CPLX1: variants seen among roughly 807,000 people sequenced by gnomAD.
CPLX1 encodes the protein complexin-1.
In CPLX1, 6 loss-of-function variants were observed where a neutral mutation model predicts 15.6. The observed-to-expected ratio is 0.39, with a 90% CI of 0.21 to 0.76. CPLX1 has a LOEUF of 0.76. Among genes scored for constraint, CPLX1 ranks in the 30% least tolerant of loss-of-function variants. The pLI is 0.43. For synonymous variants in CPLX1, 91 were observed against 75.2 expected (o/e 1.21, Z -1.08); for missense variants, 242 against 188.6 (o/e 1.28, Z -1.66).
intron 2 of CPLX1, 38 bp from the exon 3 acceptor site, chr4:792,646 G>C (rs1746219086): frequency 1.3e-6 from 2 of 1,583,814 alleles, no homozygotes; most frequent in African/African-American, 2.7e-5. Flanking sequence ...GCCCCATTCA[G>C]ATGTCCAGGG....
intron 2 of CPLX1, among the ~76,000 whole-genome samples, chr4:823,749 G>A (rs1746917232): frequency 6.6e-6 from 1 of 152,248 alleles, no homozygotes; most frequent in African/African-American, 2.4e-5. Flanking sequence ...CCTGGTCTAG[G>A]AACCCAGCCA....
intron 2 of CPLX1, among the ~76,000 whole-genome samples, chr4:795,974 G>C (rs570457161): frequency 6.6e-6 from 1 of 152,184 alleles, no homozygotes; most frequent in African/African-American, 2.4e-5. Flanking sequence ...GGCTCTTCCC[G>C]GGAACCCACC....
At position 791,821 on chromosome 4, in the gene CPLX1, C is replaced by A. The variant is rs538483970; in HGVS notation, c.207+612G>T. Among the ~76,000 whole-genome samples the A allele has an allele frequency of 1.8e-4, 28 of 152,304 alleles. No homozygotes were observed. In the East Asian group the frequency reaches 4.1e-3, roughly 22 times the overall value. On this transcript the variant is annotated intron_variant, in intron 3 of 3. Coordinates refer to ENST00000304062, the MANE Select transcript of CPLX1 (RefSeq NM_006651.4). Reference sequence around the variant, plus strand: ...GAACATCTCCCACCATGCCCGCTCACCCCTGGCTGGAGACTCCTCCAGGCT... The same window carrying A: ...GAACATCTCCCACCATGCCCGCTCAACCCTGGCTGGAGACTCCTCCAGGCT...
intron 2 of CPLX1, among the ~76,000 whole-genome samples, chr4:799,218 G>A (rs1577474851): frequency 6.6e-6 from 1 of 152,386 alleles, no homozygotes; most frequent in Middle Eastern, 3.4e-3. Context: ...CTGGAGGAAG[G>A]AACGCTACAG....
intron 2 of CPLX1, among the ~76,000 whole-genome samples, chr4:807,591 C>T (rs1310843636): frequency 3.3e-5 from 5 of 152,024 alleles, no homozygotes; most frequent in Admixed American, 2.6e-4. Flanking sequence ...TCTCCTGCCT[C>T]AGCCTCCCAA....
At chr4:797,887 G>A (rs908423588) in intron 2 of CPLX1, among the ~76,000 whole-genome samples, 18 of 152,050 alleles carry the variant, frequency 1.2e-4, no homozygotes, top group African/African-American at 2.9e-4. Flanking sequence ...CCAAGATCGC[G>A]CCACTGGACT....
rs190533187 is a variant in CPLX1 at position 789,717 on chromosome 4, C to T, written c.207+2716G>A. On this transcript the variant is annotated intron_variant, in intron 3 of 3. Coordinates refer to ENST00000304062, the MANE Select transcript of CPLX1 (RefSeq NM_006651.4). ...ATGGCTGCCTGACAGGAGGTGCAGG[C>T]GCGCTGCTCCTCTGGGAACTGCCTA... 4.7e-4 allele frequency among the ~76,000 whole-genome samples: 72 copies of T among 152,290 alleles called. 1 individual carries two copies. The East Asian group carries it at 0.012, about 25-fold the overall frequency.
chr4:792,418 C>T lies in CPLX1; in HGVS notation c.207+15G>A, dbSNP rs1165348918. The T allele has an allele frequency of 9.9e-6, 15 of 1,519,166 alleles. No homozygotes were observed. Among genetic ancestry groups the T allele is most frequent in the Middle Eastern group, 2.0e-4 (1 of 4,908 alleles). 94.1% of individuals were successfully genotyped at this position (1,519,166 alleles called of 1,614,324 possible). On this transcript the variant is annotated intron_variant, in intron 3 of 3. Transcript: ENST00000304062. ...AGGGCCGCCTTCCCGCAGGCGGGGC[C>T]GGCCCGGCGCGCACCTTGTCTCGGA...
chr4:804,415 GT>G (rs1396464450), intron 2 of CPLX1, among the ~76,000 whole-genome samples: 1 of 152,150 alleles, frequency 6.6e-6, no homozygotes, highest in Non-Finnish European at 1.5e-5. Flanking sequence ...CAGGAATGAC[GT>G]TCCACTTACA....
At chr4:787,527 G>A (rs867163628) in intron 3 of CPLX1, 45 of 636,850 alleles carry the variant, frequency 7.1e-5, no homozygotes, top group Middle Eastern at 1.6e-3. Context: ...CAGTGAGAGT[G>A]TCCTTGTAAG....
chr4:812,686 C>G (rs1349203823), intron 2 of CPLX1, among the ~76,000 whole-genome samples: 1 of 152,120 alleles, frequency 6.6e-6, no homozygotes, highest in African/African-American at 2.4e-5. Flanking sequence ...TACTTAGGGG[C>G]CAGGCACGGT....
chr4:818,594 C>A (rs906348587), intron 2 of CPLX1, among the ~76,000 whole-genome samples: 3 of 152,384 alleles, frequency 2.0e-5, no homozygotes, highest in Admixed American at 1.3e-4. Flanking sequence ...ATGGCCAAGG[C>A]CCCCCGTCCA....
At chr4:823,912 G>C (rs1746921590) in intron 2 of CPLX1, among the ~76,000 whole-genome samples, 2 of 152,262 alleles carry the variant, frequency 1.3e-5, no homozygotes, top group African/African-American at 2.4e-5. Context: ...AGGCAGTCGA[G>C]ACACACAAGC....
chr4:821,343 G>A (rs1029805729), intron 2 of CPLX1, among the ~76,000 whole-genome samples: 1 of 152,096 alleles, frequency 6.6e-6, no homozygotes, highest in African/African-American at 2.4e-5. Flanking sequence ...CTGAGTGTCC[G>A]GCTGCCTCCC....
At chr4:818,628 C>T (rs989512679) in intron 2 of CPLX1, among the ~76,000 whole-genome samples, 8 of 152,382 alleles carry the variant, frequency 5.2e-5, no homozygotes, top group Admixed American at 4.6e-4. Flanking sequence ...AGGAAAGCCG[C>T]GCCATGTGAG....
At chr4:804,077 G>A (rs1046373416) in intron 2 of CPLX1, among the ~76,000 whole-genome samples, 1 of 152,264 alleles carries the variant, frequency 6.6e-6, no homozygotes, top group Non-Finnish European at 1.5e-5. Flanking sequence ...GGGGAACAAT[G>A]GTTGCACCAC....
intron 2 of CPLX1, among the ~76,000 whole-genome samples, chr4:819,749 T>C (rs1365985656): frequency 6.6e-6 from 1 of 152,172 alleles, no homozygotes; most frequent in Non-Finnish European, 1.5e-5. Context: ...ATGGAAACCC[T>C]CCATGAGAGT....
At position 798,942 on chromosome 4, in the gene CPLX1, T is replaced by C. The variant is rs186301693; in HGVS notation, c.32-6334A>G. Among the ~76,000 whole-genome samples, 61 of 152,284 alleles carry C rather than the reference T, an allele frequency of 4.0e-4. 1 individual carries two copies. In the East Asian group the frequency reaches 0.011, roughly 27 times the overall value. Reference sequence around the variant, plus strand: ...AAAGCATAAATCTTAAAAAGAAAAATTGATAAACTGAATTTCATCAACATT... The same window carrying C: ...AAAGCATAAATCTTAAAAAGAAAAACTGATAAACTGAATTTCATCAACATT... On this transcript the variant is annotated intron_variant, in intron 2 of 3. Transcript: ENST00000304062.
intron 2 of CPLX1, among the ~76,000 whole-genome samples, chr4:800,853 A>ATG (rs1746443005): frequency 1.4e-5 from 2 of 143,238 alleles, no homozygotes; most frequent in East Asian, 4.1e-4. Context: ...ATATATGTAT[A>ATG]TATATATATA....
Sources: gnomAD v4.1 joint callset for allele counts (sites outside exome capture counted in the v4.1 genomes callset) on GRCh38, gnomAD v4.1.1 for gene constraint, MANE v1.5 for transcripts, NCBI Gene and HGNC (gene_info 2026-07-23, HGNC 2026-07-21) for gene names.